The following NLGN1 variants were observed in gnomAD, a reference collection of about 807,000 sequenced individuals.
NLGN1 encodes the protein neuroligin-1.
A neutral mutation model predicts 65.5 loss-of-function variants in NLGN1; 12 were observed. That is an observed-to-expected ratio of 0.18 (90% confidence interval 0.12 to 0.30). The LOEUF is 0.30. Ranked by LOEUF, NLGN1 falls within the 10% of genes least tolerant of loss-of-function variation. The pLI is 1.00. For missense variants in NLGN1, 750 were observed against 1,007.1 expected (o/e 0.74, Z 3.46); for synonymous variants, 350 against 359.5 (o/e 0.97, Z 0.30).
intron 4 of NLGN1, among the ~76,000 whole-genome samples, chr3:174,152,661 A>T (rs903297750): frequency 3.0e-4 from 45 of 151,920 alleles, no homozygotes; most frequent in South Asian, 2.9e-3. Context: ...TATATATATA[A>T]AATAAAAAAA....
chr3:174,260,558 T>G (rs56849283), intron 4 of NLGN1, among the ~76,000 whole-genome samples: 17,684 of 139,332 alleles, frequency 0.13, 1,197 homozygotes, highest in East Asian at 0.42. Flanking sequence ...TAAATTTGTT[T>G]GAGTTCATTG....
intron 4 of NLGN1, among the ~76,000 whole-genome samples, chr3:173,811,501 A>C (rs1717916473): frequency 7.0e-6 from 1 of 143,654 alleles, no homozygotes; most frequent in Admixed American, 7.2e-5. Context: ...TGGGAGGCAG[A>C]GGTTGCAGTG....
chr3:174,116,749 C>T (rs981589916), intron 4 of NLGN1, among the ~76,000 whole-genome samples: 4 of 151,868 alleles, frequency 2.6e-5, no homozygotes, highest in South Asian at 2.1e-4. Flanking sequence ...TAACTCAGTG[C>T]GAATGTAGAA....
intron 2 of NLGN1, among the ~76,000 whole-genome samples, chr3:173,575,692 A>G (rs1193898572): frequency 6.6e-6 from 1 of 152,116 alleles, no homozygotes; most frequent in Non-Finnish European, 1.5e-5. Context: ...TATTGCTGGC[A>G]TTTTTACAAA....
At chr3:173,496,271 C>T (rs1002657060) in intron 2 of NLGN1, among the ~76,000 whole-genome samples, 16 of 151,728 alleles carry the variant, frequency 1.1e-4, no homozygotes, top group Admixed American at 7.9e-4. Flanking sequence ...GCCAATACTG[C>T]TGGTTCAAGA....
intron 3 of NLGN1, among the ~76,000 whole-genome samples, chr3:173,751,208 A>G (rs912689434): frequency 2.0e-5 from 3 of 152,102 alleles, no homozygotes; most frequent in Admixed American, 6.6e-5. Flanking sequence ...ATGTTTGTGC[A>G]TAGATACACT....
intron 1 of NLGN1, among the ~76,000 whole-genome samples, chr3:173,419,951 G>A (rs1360310816): frequency 3.4e-5 from 5 of 148,346 alleles, no homozygotes; most frequent in African/African-American, 7.8e-5. Flanking sequence ...CCAGCCTGGC[G>A]ACACAGAGAG....
rs535995096 is a variant in NLGN1 at position 173,971,398 on chromosome 3, G to A, written c.646+163566G>A. 5.1e-4 allele frequency among the ~76,000 whole-genome samples: 78 copies of A among 152,042 alleles called. 1 individual carries two copies. The highest frequency in any genetic ancestry group is 1.7e-3 in the African/African-American group (72 of 41,460). On this transcript the variant is annotated intron_variant, in intron 4 of 6. Transcript: ENST00000457714. ...TGATTGAGACAAAAAGAAATGGAGA[G>A]TCTAGAGATTTGTCTGAAAAGGAGA...
chr3:173,453,613 T>C (rs56711907), intron 2 of NLGN1, among the ~76,000 whole-genome samples: 29,170 of 152,122 alleles, frequency 0.19, 3,025 homozygotes, highest in African/African-American at 0.27. Context: ...TGGAAGATTC[T>C]GTCTCCATAA....
intron 2 of NLGN1, among the ~76,000 whole-genome samples, chr3:173,465,164 C>T (rs902169966): frequency 1.3e-5 from 2 of 152,218 alleles, no homozygotes; most frequent in Non-Finnish European, 2.9e-5. Flanking sequence ...AACTGGCCTG[C>T]TGCCATGCTT....
rs1195750896 is a variant in NLGN1 at position 173,949,650 on chromosome 3, AG to A, written c.646+141819del. Among the ~76,000 whole-genome samples the A allele has an allele frequency of 2.6e-5, 4 of 152,174 alleles. No individual in the cohort carries two copies. In the East Asian group the frequency reaches 7.7e-4, roughly 29 times the overall value. Reference sequence around the variant, plus strand: ...AAATGAAGGCATCCTATAAACATTCAGTTTGAAAATACTAAAAAGTATCTGT... The same window carrying A: ...AAATGAAGGCATCCTATAAACATTCATTTGAAAATACTAAAAAGTATCTGT... On this transcript the variant is annotated intron_variant, in intron 4 of 6. Coordinates refer to ENST00000457714, the Ensembl canonical transcript of NLGN1.
At chr3:173,825,756 T>C (rs1413129932) in intron 4 of NLGN1, among the ~76,000 whole-genome samples, 1 of 152,072 alleles carries the variant, frequency 6.6e-6, no homozygotes, top group African/African-American at 2.4e-5. Flanking sequence ...TTATATCAGA[T>C]CCTAACATGC....
At chr3:173,834,220 A>C (rs1245652987) in intron 4 of NLGN1, among the ~76,000 whole-genome samples, 1 of 152,150 alleles carries the variant, frequency 6.6e-6, no homozygotes, top group African/African-American at 2.4e-5. Flanking sequence ...CTTTTAAATT[A>C]GCTGTATATT....
intron 3 of NLGN1, among the ~76,000 whole-genome samples, chr3:173,738,039 T>C (rs1774057302): frequency 6.6e-6 from 1 of 152,092 alleles, no homozygotes; most frequent in African/African-American, 2.4e-5. Context: ...TGTTGGCCAT[T>C]TCTATATCTT....
chr3:173,976,358 G>T (rs1490060152), intron 4 of NLGN1, among the ~76,000 whole-genome samples: 5 of 151,982 alleles, frequency 3.3e-5, no homozygotes, highest in Non-Finnish European at 7.4e-5. Context: ...ATGTACTATG[G>T]TCCCTGGCTT....
At chr3:173,446,226 C>A (rs1212881798) in intron 2 of NLGN1, among the ~76,000 whole-genome samples, 1 of 44,208 alleles carries the variant, frequency 2.3e-5, no homozygotes, top group East Asian at 3.1e-3. Context: ...TACCCCCACC[C>A]CACAACAGTC....
intron 3 of NLGN1, among the ~76,000 whole-genome samples, chr3:173,741,251 C>A (rs1774593862): frequency 6.6e-6 from 1 of 152,048 alleles, no homozygotes; most frequent in Non-Finnish European, 1.5e-5. Flanking sequence ...TGGCATCTGG[C>A]ACAGAGCAGA....
intron 3 of NLGN1, among the ~76,000 whole-genome samples, chr3:173,717,428 C>T (rs763821241): frequency 6.6e-6 from 1 of 152,058 alleles, no homozygotes; most frequent in Non-Finnish European, 1.5e-5. Flanking sequence ...AGGTTGGAAA[C>T]TAAAGGTGTT....
At chr3:173,569,756 A>G (rs1340740721) in intron 2 of NLGN1, among the ~76,000 whole-genome samples, 1 of 152,134 alleles carries the variant, frequency 6.6e-6, no homozygotes, top group Non-Finnish European at 1.5e-5. Flanking sequence ...AGAGCTGTGA[A>G]TTGGGAGCTG....
Sources: gnomAD v4.1 joint callset for allele counts (sites outside exome capture counted in the v4.1 genomes callset) on GRCh38, gnomAD v4.1.1 for gene constraint, MANE v1.5 for transcripts, NCBI Gene and HGNC (gene_info 2026-07-23, HGNC 2026-07-21) for gene names.